The following SPHKAP variants were observed in gnomAD, a reference collection of about 807,000 sequenced individuals.
The protein encoded by SPHKAP is SPHK1 interactor, AKAP domain containing, also known as A-kinase anchor protein SPHKAP.
SPHKAP carries 67 observed loss-of-function variants against 137.5 expected under a neutral mutation model. The ratio of observed to expected loss-of-function variants is 0.49; its 90% CI spans 0.40 to 0.60. The LOEUF is 0.60. SPHKAP is among the 20% of genes least tolerant of loss of function. SPHKAP has a pLI of 0.00. For missense variants in SPHKAP, 2,097 were observed against 2,069.3 expected, an observed-to-expected ratio of 1.01 and a Z score of -0.26; for synonymous variants, 813 against 785.3, an observed-to-expected ratio of 1.04 and a Z score of -0.59.
chr2:227,990,948 G>C, intron 11 of SPHKAP, 52 bp downstream of exon 11: 3 of 1,569,734 alleles, frequency 1.9e-6, no homozygotes, highest in Non-Finnish European at 2.6e-6. Context: ...TGAGTTTCCA[G>C]TGGTGATGAA....
chr2:228,085,958 G>C (rs1436230026), intron 3 of SPHKAP, among the ~76,000 whole-genome samples: 1 of 152,084 alleles, frequency 6.6e-6, no homozygotes, highest in East Asian at 1.9e-4. Context: ...AATGCTAAAG[G>C]ATATTACACT....
intron 3 of SPHKAP, among the ~76,000 whole-genome samples, chr2:228,074,519 G>A (rs992927001): frequency 2.6e-5 from 4 of 152,014 alleles, no homozygotes; most frequent in South Asian, 2.1e-4. Flanking sequence ...ATCAGATCTC[G>A]TGAGAACCAC....
intron 3 of SPHKAP, among the ~76,000 whole-genome samples, chr2:228,045,286 G>C (rs999842787): frequency 6.7e-6 from 1 of 149,098 alleles, no homozygotes; most frequent in African/African-American, 2.5e-5. Context: ...CTGCTATAAA[G>C]ACACATGCAC....
At chr2:228,072,607 C>G (rs1697038771) in intron 3 of SPHKAP, among the ~76,000 whole-genome samples, 1 of 152,080 alleles carries the variant, frequency 6.6e-6, no homozygotes, top group African/African-American at 2.4e-5. Flanking sequence ...CTGTAAATAG[C>G]CCTAATGACT....
At chr2:228,147,970 A>G (rs1438810956) in intron 1 of SPHKAP, among the ~76,000 whole-genome samples, 3 of 152,202 alleles carry the variant, frequency 2.0e-5, no homozygotes, top group Non-Finnish European at 2.9e-5. Context: ...TTTAATCAAG[A>G]GGCTTAATTT....
chr2:228,021,729 C>T lies in SPHKAP; in HGVS notation c.679G>A (p.Val227Met), dbSNP rs758429301. 4.8e-5 allele frequency: 78 copies of T among 1,613,102 alleles called. 1 individual carries two copies. In the South Asian group the frequency reaches 8.4e-4, roughly 17 times the overall value. The change falls in exon 6 of 12, where the codon GTG becomes ATG. Residue 227 changes from valine (V) to methionine (M), a missense_variant. Val to Met is a conservative substitution (Grantham distance 21). Transcript: ENST00000392056. The stretch of plus-strand genomic sequence containing the variant: ...TTCTCACCGTTCCTAGATTCATCCA[C>T]CTCGCTTTCCTCCTCCAAGTGCTCA... ...ASEHLEEESE[V>M]DESRNDYENI...
In SPHKAP at chr2:228,017,429, C is replaced by T. The variant is rs768880179; in HGVS notation, c.3425G>A (p.Arg1142Lys). Residue 1142 changes from arginine to lysine, a missense_variant, in exon 7 of 12, where the codon AGA (arginine) becomes AAA (lysine). Transcript: ENST00000392056. ...FMVNQMENEG[R>K]GFELLLDYYA... ...GTAATCCAGCAGTAACTCAAATCCT[C>T]TCCCTTCATTTTCCATCTGGTTCAC... 1.2e-6 allele frequency: 2 copies of T among 1,614,074 alleles called. No homozygotes were observed. Among genetic ancestry groups the T allele is most frequent in the East Asian group, 2.2e-5 (1 of 44,862 alleles).
At chr2:228,123,707 TGTTTCGCTGTGCAGAAGCTCTTTA>T (rs1156956226) in intron 2 of SPHKAP, among the ~76,000 whole-genome samples, 2 of 152,166 alleles carry the variant, frequency 1.3e-5, no homozygotes, top group Non-Finnish European at 2.9e-5. Flanking sequence ...GATGGTAGTT[TGTTTCGCTGTGCAGAAGCTCTTTA>T]GTTTAATTAG....
chr2:228,053,976 T>G (rs1270091773), intron 3 of SPHKAP, among the ~76,000 whole-genome samples: 1 of 152,226 alleles, frequency 6.6e-6, no homozygotes, highest in East Asian at 1.9e-4. Context: ...GCTTCAAACA[T>G]TTCTTTCCAT....
chr2:228,045,051 C>T (rs1280922178), intron 3 of SPHKAP, among the ~76,000 whole-genome samples: 1 of 151,796 alleles, frequency 6.6e-6, no homozygotes, highest in Non-Finnish European at 1.5e-5. Flanking sequence ...CGATGAGATA[C>T]CATCTCACAC....
intron 3 of SPHKAP, among the ~76,000 whole-genome samples, chr2:228,060,707 G>A (rs1311557789): frequency 2.6e-5 from 4 of 152,152 alleles, no homozygotes; most frequent in Non-Finnish European, 5.9e-5. Context: ...ATTCCATAAG[G>A]CATCTAATGT....
intron 1 of SPHKAP, among the ~76,000 whole-genome samples, chr2:228,154,532 A>ATTTTTTTTTTTTT (rs1168623467): frequency 3.4e-5 from 1 of 29,406 alleles, no homozygotes; most frequent in Non-Finnish European, 5.8e-5. Context: ...ATATATATAT[A>ATTTTTTTTTTTTT]TTTTTTTTTT....
At position 227,986,925 on chromosome 2, in the gene SPHKAP, C is replaced by T. The variant is rs114443497; in HGVS notation, c.4959+4075G>A. On this transcript the variant is annotated intron_variant, in intron 11 of 11. Coordinates refer to ENST00000392056, the MANE Select transcript of SPHKAP (RefSeq NM_001142644.2). ...AAAAACCAGGACCATTAGCCATGTGCGTGTCTTTTATTGGCCTTGGATTAA... is the reference window on the plus strand; with the variant it reads ...AAAAACCAGGACCATTAGCCATGTGTGTGTCTTTTATTGGCCTTGGATTAA... 4.2e-3 allele frequency among the ~76,000 whole-genome samples: 645 copies of T among 152,236 alleles called. 4 individuals carry two copies. The highest frequency in any genetic ancestry group is 0.013 in the African/African-American group (560 of 41,530).
At position 228,118,794 on chromosome 2, in the gene SPHKAP, C is replaced by A. The variant is rs374808944; in HGVS notation, c.139-9855G>T. 5.3e-5 allele frequency among the ~76,000 whole-genome samples: 8 copies of A among 152,138 alleles called. 1 individual carries two copies. Among genetic ancestry groups the A allele is most frequent in the African/African-American group, 1.9e-4 (8 of 41,518 alleles). ...TTAAGTTTTCATTCGTTCTTTCATT[C>A]GACTACTTGTTAAGCACCTGCTGTC... is the stretch of plus-strand genomic sequence containing the variant. On this transcript the variant is annotated intron_variant, in intron 2 of 11. Coordinates refer to ENST00000392056, the MANE Select transcript of SPHKAP (RefSeq NM_001142644.2).
At chr2:228,012,163 C>CAAAAAAAAAAA (rs544782857) in intron 7 of SPHKAP, among the ~76,000 whole-genome samples, 6 of 84,920 alleles carry the variant, frequency 7.1e-5, no homozygotes, top group African/African-American at 2.5e-4. Context: ...GACTCTACCT[C>CAAAAAAAAAAA]AAAAAAAAAA....
intron 1 of SPHKAP, among the ~76,000 whole-genome samples, chr2:228,159,230 G>A (rs1239758974): frequency 6.6e-6 from 1 of 152,102 alleles, no homozygotes; most frequent in Admixed American, 6.5e-5. Context: ...CTTTATTTGA[G>A]GCTATTGCAA....
At chr2:228,043,805 C>T (rs1244262554) in intron 3 of SPHKAP, among the ~76,000 whole-genome samples, 2 of 151,932 alleles carry the variant, frequency 1.3e-5, no homozygotes, top group African/African-American at 2.4e-5. Context: ...TTTAACTCTT[C>T]CACTAAGCTT....
intron 1 of SPHKAP, among the ~76,000 whole-genome samples, chr2:228,163,522 C>T (rs1482891522): frequency 6.6e-6 from 1 of 152,082 alleles, no homozygotes; most frequent in African/African-American, 2.4e-5. Flanking sequence ...CTCGTTTACT[C>T]CTTATTTTAT....
At chr2:228,063,174 A>ATCTGTCTGTCTG (rs1553536379) in intron 3 of SPHKAP, among the ~76,000 whole-genome samples, 2,103 of 147,178 alleles carry the variant, frequency 0.014, 55 homozygotes, top group African/African-American at 0.05. Context: ...CTATCTATCT[A>ATCTGTCTGTCTG]TCTGTCTGTC....
Sources: allele counts gnomAD v4.1 joint callset (sites outside exome capture counted in the v4.1 genomes callset), GRCh38; gene constraint gnomAD v4.1.1; transcripts MANE v1.5; gene names NCBI Gene and HGNC (gene_info 2026-07-23, HGNC 2026-07-21).